Variants in MICAL2 observed in about 807,000 individuals in gnomAD.
MICAL2 encodes the protein [F-actin]-monooxygenase MICAL2.
In MICAL2, 77 loss-of-function variants were observed where a neutral mutation model predicts 127.3. That is an observed-to-expected ratio of 0.60 (90% CI 0.50 to 0.73). The LOEUF (loss-of-function observed/expected upper bound fraction) is 0.73. Ranked by LOEUF, MICAL2 falls within the 30% of genes least tolerant of loss-of-function variation. The pLI, the probability that MICAL2 is intolerant of heterozygous loss-of-function variation, is 0.00. For missense variants in MICAL2, 1,351 were observed against 1,434.4 expected (o/e 0.94, Z 0.94); for synonymous variants, 570 against 551.1 (o/e 1.03, Z -0.48).
rs561630114 is a variant in MICAL2, at chr11:12,142,664, A to C, written c.-78+4204A>C. ...GCTGAGCTCAAGGAAATGCATCTGG[A>C]GCACTTTGCATTGGGCAAGCACTAG... is the stretch of plus-strand genomic sequence containing the variant. On this transcript the variant is annotated intron_variant, in intron 2 of 27. Coordinates refer to ENST00000683283, the MANE Select transcript of MICAL2 (RefSeq NM_001282663.2). Among the ~76,000 whole-genome samples, 6 of 152,332 alleles carry C rather than the reference A, an allele frequency of 3.9e-5. No individual in the cohort carries two copies. In the East Asian group the frequency reaches 1.2e-3, roughly 29 times the overall value.
At chr11:12,230,275 C>T (rs953332354) in intron 15 of MICAL2, among the ~76,000 whole-genome samples, 4 of 152,212 alleles carry the variant, frequency 2.6e-5, no homozygotes, top group African/African-American at 9.6e-5. Flanking sequence ...TCGGTCTGGT[C>T]CTGCACAGCC....
intron 15 of MICAL2, among the ~76,000 whole-genome samples, chr11:12,234,079 T>C (rs1223347464): frequency 1.3e-5 from 2 of 152,130 alleles, no homozygotes; most frequent in Non-Finnish European, 2.9e-5. Flanking sequence ...GTTGTCCCCG[T>C]CCATGTCCTT....
intron 2 of MICAL2, among the ~76,000 whole-genome samples, chr11:12,283,177 C>A (rs1863789823): frequency 6.6e-6 from 1 of 152,090 alleles, no homozygotes; most frequent in Admixed American, 6.6e-5. Context: ...GTTATGGTAA[C>A]CCCATCACTT....
At chr11:12,124,634 A>G (rs1850768067) in intron 1 of MICAL2, among the ~76,000 whole-genome samples, 1 of 152,176 alleles carries the variant, frequency 6.6e-6, no homozygotes, top group Non-Finnish European at 1.5e-5. Flanking sequence ...AAGTCATTGC[A>G]AATGTCTAAA....
At chr11:12,245,128 G>A (rs1860552581) in intron 21 of MICAL2, among the ~76,000 whole-genome samples, 1 of 152,152 alleles carries the variant, frequency 6.6e-6, no homozygotes. Context: ...CTGTCTTCTG[G>A]GAAGGCTGGC....
intron 32 of MICAL2, among the ~76,000 whole-genome samples, chr11:12,333,483 G>C (rs1369844390): frequency 6.6e-6 from 1 of 152,166 alleles, no homozygotes; most frequent in South Asian, 2.1e-4. Context: ...AAATAATGTT[G>C]CCTACTCTTA....
At chr11:12,314,323 T>C (rs1864207707) in intron 29 of MICAL2, among the ~76,000 whole-genome samples, 1 of 152,116 alleles carries the variant, frequency 6.6e-6, no homozygotes, top group Non-Finnish European at 1.5e-5. Context: ...ATTATTTATG[T>C]AATACATAGT....
upstream of MICAL2, among the ~76,000 whole-genome samples, chr11:12,273,544 GTTTT>G (rs11334681): frequency 1.4e-5 from 2 of 143,710 alleles, no homozygotes; most frequent in African/African-American, 5.1e-5. Flanking sequence ...CTGCAGACAT[GTTTT>G]TTTTTTTTTT....
At chr11:12,226,147 C>G in intron 13 of MICAL2, 24 bp from the exon 14 acceptor site, 1 of 1,613,152 alleles carries the variant, frequency 6.2e-7, no homozygotes, top group Non-Finnish European at 8.5e-7. Context: ...CCCTGAATTT[C>G]TCTGCTTTGT....
At position 12,175,557 on chromosome 11, in the gene MICAL2, A is replaced by G. The variant is rs1856745305; in HGVS notation, c.264+13138A>G. Among the ~76,000 whole-genome samples the G allele has an allele frequency of 3.3e-5, 5 of 151,786 alleles. No individual in the cohort carries two copies. The South Asian group carries it at 1.0e-3, about 32-fold the overall frequency. On this transcript the variant is annotated intron_variant, in intron 3 of 27. Transcript: ENST00000683283. ...ATCAGTGAGAGAGAGAGAGAAAGAG[A>G]GAGACAATAAACAAATGTGTGGGGA...
chr11:12,166,055 C>T (rs901884212), intron 3 of MICAL2, among the ~76,000 whole-genome samples: 1 of 152,192 alleles, frequency 6.6e-6, no homozygotes, highest in Admixed American at 6.5e-5. Context: ...TCGAATGTTA[C>T]ACCCGACTGA....
intron 7 of MICAL2, among the ~76,000 whole-genome samples, chr11:12,214,213 T>C (rs1855862276): frequency 6.6e-6 from 1 of 152,234 alleles, no homozygotes; most frequent in Admixed American, 6.5e-5. Flanking sequence ...AAATTCCAGA[T>C]ACTTTTCCTT....
chr11:12,350,582 A>C (rs563680049), intron 33 of MICAL2, among the ~76,000 whole-genome samples: 1 of 152,280 alleles, frequency 6.6e-6, no homozygotes, highest in Admixed American at 6.5e-5. Context: ...CCCAGGAAGT[A>C]ATTTTAAGGG....
intron 2 of MICAL2, among the ~76,000 whole-genome samples, chr11:12,142,101 A>G (rs1463623119): frequency 6.6e-6 from 1 of 152,162 alleles, no homozygotes; most frequent in African/African-American, 2.4e-5. Flanking sequence ...CTCTCTCTGC[A>G]GTTCCATGTT....
intron 2 of MICAL2, among the ~76,000 whole-genome samples, chr11:12,155,380 C>T (rs568567820): frequency 6.8e-4 from 103 of 152,228 alleles, no homozygotes; most frequent in African/African-American, 2.3e-3. Context: ...TATTTGCGCA[C>T]ACATGAATAC....
At chr11:12,147,234 G>GA (rs1853032670) in intron 2 of MICAL2, among the ~76,000 whole-genome samples, 1 of 151,992 alleles carries the variant, frequency 6.6e-6, no homozygotes, top group Non-Finnish European at 1.5e-5. Context: ...GAAAGCAAAA[G>GA]AAAAAATTTA....
exon 3 of MICAL2, chr11:12,287,259 ATC>A (rs1863837139): frequency 2.5e-6 from 1 of 397,478 alleles, no homozygotes; most frequent in Non-Finnish European, 4.4e-6. Flanking sequence ...CTTACATGGT[ATC>A]TCTCTGGCAT....
At chr11:12,338,911 G>A (rs11022312) in intron 32 of MICAL2, among the ~76,000 whole-genome samples, 61,980 of 151,834 alleles carry the variant, frequency 0.41, 15,292 homozygotes, top group Non-Finnish European at 0.56. Flanking sequence ...TTCAACTTTG[G>A]TGAATCTGAC....
At position 12,262,478 on chromosome 11, in the gene MICAL2, A is replaced by G; in HGVS notation, c.3335-2A>G. 1.2e-6 allele frequency: 2 copies of G among 1,613,656 alleles called. No individual in the cohort carries two copies. Among genetic ancestry groups the G allele is most frequent in the South Asian group, 1.1e-5 (1 of 91,064 alleles). On this transcript the variant is annotated splice_acceptor_variant, in intron 26 of 27. Transcript: ENST00000683283. LOFTEE classifies it high-confidence loss of function. ...TTTCCAATCTTACGCCATGGCCATC[A>G]GTTCATTTCAGCCTTCCAGTGCTAC...
Sources: allele counts gnomAD v4.1 joint callset (sites outside exome capture counted in the v4.1 genomes callset), GRCh38; gene constraint gnomAD v4.1.1; transcripts MANE v1.5; gene names NCBI Gene and HGNC (gene_info 2026-07-23, HGNC 2026-07-21).